FAM240C: variants seen among roughly 807,000 people sequenced by gnomAD.
FAM240C encodes protein FAM240C.
A neutral mutation model predicts 10.0 loss-of-function variants in FAM240C; 14 were observed. The observed-to-expected ratio is 1.40, with a 90% confidence interval of 0.92 to 2.19. FAM240C has a LOEUF of 2.19. Among genes scored for constraint, FAM240C ranks in the 30% most tolerant of loss-of-function variants. The pLI is 0.00. For synonymous variants in FAM240C, 49 were observed against 44.3 expected, an observed-to-expected ratio of 1.11 and a Z score of -0.42; for missense variants, 154 against 122.3, an observed-to-expected ratio of 1.26 and a Z score of -1.22.
intron 1 of FAM240C, among the ~76,000 whole-genome samples, 185 bp from the exon 2 acceptor site, chr2:241,897,519 C>A (rs763062800): frequency 6.6e-6 from 1 of 152,098 alleles, no homozygotes; most frequent in Non-Finnish European, 1.5e-5. Flanking sequence ...GGCTCCTGAC[C>A]GGCTCCTAAA....
chr2:241,896,316 G>A (rs901523410), intron 2 of FAM240C, among the ~76,000 whole-genome samples: 6 of 152,206 alleles, frequency 3.9e-5, no homozygotes, highest in Admixed American at 6.5e-5. Flanking sequence ...AGAGAAAGGC[G>A]TGCTGGCTTG....
intron 2 of FAM240C, 138 bp downstream of exon 2, chr2:241,897,048 A>T (rs1314387543): frequency 1.1e-6 from 1 of 893,996 alleles, no homozygotes; most frequent in Non-Finnish European, 1.7e-6. Context: ...CTCCTTTCAC[A>T]GGCCTGGAGC....
rs1701929458 is a variant in FAM240C, at chr2:241,899,335, G to GC, written c.12+1022dup. ...AGGGCCACAGAAATCGCCCATCGAT[G>GC]CCACGCCCTTTGTTCCAGAAACTTA... On this transcript the variant is annotated intron_variant, in intron 1 of 2. Coordinates refer to ENST00000404031, the MANE Select transcript of FAM240C (RefSeq NM_001382368.1). 3 of 985,448 alleles carry GC rather than the reference G, an allele frequency of 3.0e-6. No homozygotes were observed. In the African/African-American group the frequency reaches 5.2e-5, roughly 17 times the overall value. The allele number at this position is 985,448 out of a possible 1,614,324, so 61.0% of individuals were successfully genotyped here. A position where few individuals can be genotyped will look rare whatever the true frequency, so the allele number is the denominator to read the frequency against.
At chr2:241,900,513 G>A (rs1486678140), upstream of FAM240C, 7 of 647,460 alleles carry the variant, frequency 1.1e-5, no homozygotes, top group African/African-American at 1.8e-5. The surrounding 1 kb of genome is among the most constrained non-coding windows in gnomAD (Gnocchi z 4.5). Context: ...GTCCCAGAAA[G>A]ACGCGCTGCC....
At chr2:241,898,273 G>A (rs900710419) in intron 1 of FAM240C, among the ~76,000 whole-genome samples, 2 of 152,182 alleles carry the variant, frequency 1.3e-5, no homozygotes, top group Non-Finnish European at 2.9e-5. Context: ...GTCCAAGGCC[G>A]GGCGTGGTGG....
chr2:241,901,553 G>T (rs1187469011), upstream of FAM240C, among the ~76,000 whole-genome samples: 2 of 152,084 alleles, frequency 1.3e-5, no homozygotes, highest in African/African-American at 4.8e-5. This position sits in a 1 kb window ranked among gnomAD's most constrained non-coding sequence, Gnocchi z 4.9. Context: ...GAGTCCTGGC[G>T]TGTGCTCAGG....
In FAM240C at chr2:241,894,260, G is replaced by C; in HGVS notation, c.241C>G (p.Pro81Ala). The C allele has an allele frequency of 6.5e-7, 1 of 1,550,026 alleles. No individual in the cohort carries two copies. Among genetic ancestry groups the C allele is most frequent in the Non-Finnish European group, 8.7e-7 (1 of 1,146,822 alleles). The change falls in exon 3 of 3, where the codon CCG becomes GCG. Residue 81 changes from proline to alanine, a missense_variant. Physicochemically the swap from Pro to Ala is conservative, Grantham distance 27 (BLOSUM62 -1). Transcript: ENST00000404031. Reference protein sequence around the residue: ...QGPGRCPDRVPEATESLHTKD... With the variant: ...QGPGRCPDRVAEATESLHTKD... Reference sequence around the variant, plus strand: ...GTGTGGAGGGACTCAGTGGCCTCCGGGACCCTGTCTGGGCATCTCCCTGGG... The same window carrying C: ...GTGTGGAGGGACTCAGTGGCCTCCGCGACCCTGTCTGGGCATCTCCCTGGG...
upstream of FAM240C, among the ~76,000 whole-genome samples, chr2:241,901,520 T>C (rs145577733): frequency 2.2e-4 from 33 of 152,288 alleles, 1 homozygote; most frequent in African/African-American, 7.5e-4. This position sits in a 1 kb window ranked among gnomAD's most constrained non-coding sequence, Gnocchi z 4.9. Flanking sequence ...CATCAGTGGA[T>C]TGGGAGCTGT....
chr2:241,894,093 G>T lies in FAM240C; in HGVS notation c.*120C>A. On this transcript the variant is annotated 3_prime_UTR_variant, in exon 3 of 3. Coordinates refer to ENST00000404031, the MANE Select transcript of FAM240C (RefSeq NM_001382368.1). Reference sequence around the variant, plus strand: ...GGGATTATTACGGGGTCAGCGAGGTGCGGGCCATTTCCATGATGAAGATCC... The same window carrying T: ...GGGATTATTACGGGGTCAGCGAGGTTCGGGCCATTTCCATGATGAAGATCC... 1 of 1,196,244 alleles carries T rather than the reference G, an allele frequency of 8.4e-7. No individual in the cohort carries two copies. Among genetic ancestry groups the T allele is most frequent in the South Asian group, 1.6e-5 (1 of 63,060 alleles). 74.1% of individuals were successfully genotyped at this position (1,196,244 alleles called of 1,614,324 possible).
chr2:241,898,848 G>A (rs1308122469), intron 1 of FAM240C, among the ~76,000 whole-genome samples: 3 of 152,238 alleles, frequency 2.0e-5, no homozygotes, highest in Middle Eastern at 3.2e-3. Context: ...GGCATCCACT[G>A]TTCTGGGGCT....
At chr2:241,896,496 G>A (rs1175325747) in intron 2 of FAM240C, among the ~76,000 whole-genome samples, 12 of 66,910 alleles carry the variant, frequency 1.8e-4, no homozygotes. Context: ...AAGGGGGTGT[G>A]GGTGAAGGGG....
At chr2:241,898,050 G>A (rs562155678) in intron 1 of FAM240C, among the ~76,000 whole-genome samples, 2 of 152,266 alleles carry the variant, frequency 1.3e-5, no homozygotes, top group South Asian at 2.1e-4. Flanking sequence ...GGCCTCTCTC[G>A]ACACCTGGTT....
In FAM240C at chr2:241,894,204, C is replaced by T. The variant is rs1465486599; in HGVS notation, c.*9G>A. On this transcript the variant is annotated 3_prime_UTR_variant, in exon 3 of 3. Transcript: ENST00000404031. Reference sequence around the variant, plus strand: ...GGAAGCTCATGCAGAGTCTGGAGCTCGTGGGCCCTCAGGCCGCCTTCTTGT... The same window carrying T: ...GGAAGCTCATGCAGAGTCTGGAGCTTGTGGGCCCTCAGGCCGCCTTCTTGT... 9 of 1,548,464 alleles carry T rather than the reference C, an allele frequency of 5.8e-6. No individual in the cohort carries two copies. The highest frequency in any genetic ancestry group is 4.1e-5 in the African/African-American group (3 of 73,016).
intron 1 of FAM240C, among the ~76,000 whole-genome samples, chr2:241,897,908 T>C (rs1363750441): frequency 1.3e-5 from 2 of 152,164 alleles, no homozygotes; most frequent in African/African-American, 4.8e-5. Flanking sequence ...CTAATTTTTG[T>C]ATATCTTGTA....
intron 1 of FAM240C, chr2:241,899,169 T>G: frequency 7.7e-7 from 1 of 1,304,124 alleles, no homozygotes; most frequent in South Asian, 1.2e-5. Flanking sequence ...CAGGTTGCAA[T>G]GAACAGGTGC....
In FAM240C at chr2:241,894,025, G is replaced by C; in HGVS notation, c.*188C>G. 1.9e-6 allele frequency: 1 copy of C among 521,816 alleles called. No homozygotes were observed. 32.3% of individuals were successfully genotyped at this position (521,816 alleles called of 1,614,324 possible). ...AGGTTTTATTGGGCACCAGAGATGCGCTAGAGAACCCTGGGACTCTGCTGC... is the reference window on the plus strand; with the variant it reads ...AGGTTTTATTGGGCACCAGAGATGCCCTAGAGAACCCTGGGACTCTGCTGC... On this transcript the variant is annotated 3_prime_UTR_variant, in exon 3 of 3. Transcript: ENST00000404031.
chr2:241,895,844 G>A (rs1701783195), intron 2 of FAM240C, among the ~76,000 whole-genome samples: 1 of 151,924 alleles, frequency 6.6e-6, no homozygotes, highest in South Asian at 2.1e-4. Flanking sequence ...GGACACCAGG[G>A]CACATGGCAC....
At chr2:241,899,248 T>A in intron 1 of FAM240C, 1 of 1,300,980 alleles carries the variant, frequency 7.7e-7, no homozygotes, top group Non-Finnish European at 1.0e-6. Flanking sequence ...GCGCGGGCGC[T>A]GTGGCCTGCG....
At chr2:241,895,761 G>C (rs1354647318) in intron 2 of FAM240C, among the ~76,000 whole-genome samples, 3 of 152,212 alleles carry the variant, frequency 2.0e-5, no homozygotes, top group Non-Finnish European at 1.5e-5. Flanking sequence ...TCAGGGGCCA[G>C]AGAAGGCAGC....
Sources: allele counts gnomAD v4.1 joint callset (sites outside exome capture counted in the v4.1 genomes callset), GRCh38; gene constraint gnomAD v4.1.1; non-coding constraint Gnocchi (gnomAD v3.1); transcripts MANE v1.5; gene names NCBI Gene and HGNC (gene_info 2026-07-23, HGNC 2026-07-21).